The following CFAP54 variants were observed in gnomAD, a reference collection of about 807,000 sequenced individuals.
The protein encoded by CFAP54 is cilia and flagella associated protein 54, also known as cilia- and flagella-associated protein 54.
CFAP54 carries 290 observed loss-of-function variants against 370.4 expected under a neutral mutation model. The observed-to-expected ratio is 0.78, with a 90% CI of 0.71 to 0.86. CFAP54 has a LOEUF of 0.86. Ranked by LOEUF, CFAP54 falls within the 40% of genes least tolerant of loss-of-function variation. The probability of loss-of-function intolerance (pLI) is 0.00; values close to 1 mark genes in which losing one functional copy is unlikely to be tolerated. For missense variants in CFAP54, 3,399 were observed against 3,528.7 expected (o/e 0.96, Z 0.93); for synonymous variants, 1,206 against 1,236.5 (o/e 0.98, Z 0.52).
At chr12:96,691,549 AT>A (rs1320269172) in intron 44 of CFAP54, among the ~76,000 whole-genome samples, 1 of 152,026 alleles carries the variant, frequency 6.6e-6, no homozygotes, top group African/African-American at 2.4e-5. Flanking sequence ...GTTACTTTAT[AT>A]TTTTTTCTTA....
At chr12:96,574,707 G>A (rs1823978505) in intron 19 of CFAP54, among the ~76,000 whole-genome samples, 2 of 151,916 alleles carry the variant, frequency 1.3e-5, no homozygotes, top group Middle Eastern at 3.4e-3. Flanking sequence ...GCATTCCTGG[G>A]AAAAAGACAG....
At chr12:96,521,628 C>T (rs1955321088) in intron 6 of CFAP54, among the ~76,000 whole-genome samples, 1 of 151,920 alleles carries the variant, frequency 6.6e-6, no homozygotes. Context: ...AGTGATATTT[C>T]AGCTTTCCTT....
chr12:96,554,119 G>GCATTTGACTTCCCTT, intron 15 of CFAP54, 63 bp from the exon 16 acceptor site: 1 of 1,049,238 alleles, frequency 9.5e-7, no homozygotes, highest in Non-Finnish European at 1.3e-6. Flanking sequence ...GTCAAAAATT[G>GCATTTGACTTCCCTT]GAAGTGTTGC....
intron 19 of CFAP54, among the ~76,000 whole-genome samples, chr12:96,576,014 C>T (rs73237118): frequency 0.082 from 12,510 of 151,968 alleles, 557 homozygotes; most frequent in South Asian, 0.17. Flanking sequence ...TTTTATATTT[C>T]TCTTTTGTTT....
intron 28 of CFAP54, 32 bp from the exon 29 acceptor site, chr12:96,625,686 G>C: frequency 7.0e-7 from 1 of 1,425,792 alleles, no homozygotes; most frequent in Non-Finnish European, 9.5e-7. Context: ...TTACTAAACA[G>C]AACATACAAC....
intron 55 of CFAP54, among the ~76,000 whole-genome samples, chr12:96,748,888 T>C (rs1958150835): frequency 6.6e-6 from 1 of 152,210 alleles, no homozygotes; most frequent in Non-Finnish European, 1.5e-5. Context: ...ATAAGTCTCT[T>C]TCCAGCTGTC....
chr12:96,512,671 A>G (rs1014458384), intron 4 of CFAP54, among the ~76,000 whole-genome samples: 2 of 152,154 alleles, frequency 1.3e-5, no homozygotes, highest in Admixed American at 6.6e-5. Flanking sequence ...TGAATTAATG[A>G]AAGCACAGGG....
intron 60 of CFAP54, among the ~76,000 whole-genome samples, chr12:96,781,512 C>T (rs1251656716): frequency 1.3e-5 from 2 of 151,960 alleles, no homozygotes; most frequent in Non-Finnish European, 2.9e-5. Context: ...TGATTTTCAA[C>T]TTATTGACAA....
At position 96,875,153 on chromosome 12, in the gene CFAP54, C is replaced by T. The variant is rs1054854980; in HGVS notation, c.*50C>T. ...ACTGAGAAATAAATCAAGAGTATGA[C>T]AACAGACTGAGGAATTTTTCAGCAA... On this transcript the variant is annotated 3_prime_UTR_variant, in exon 68 of 68. Transcript: ENST00000524981. 2 of 152,164 alleles carry T rather than the reference C, an allele frequency of 1.3e-5. No individual in the cohort carries two copies. Among genetic ancestry groups the T allele is most frequent in the Non-Finnish European group, 2.9e-5 (2 of 68,034 alleles). 9.4% of individuals were successfully genotyped at this position (152,164 alleles called of 1,614,324 possible).
chr12:96,804,918 T>C (rs977212741), intron 63 of CFAP54, among the ~76,000 whole-genome samples: 6 of 152,008 alleles, frequency 3.9e-5, no homozygotes. Context: ...ATGAAAAGAC[T>C]AGAGAGCCCA....
intron 63 of CFAP54, among the ~76,000 whole-genome samples, chr12:96,801,913 C>G (rs1304016804): frequency 1.3e-5 from 2 of 152,082 alleles, no homozygotes; most frequent in Non-Finnish European, 2.9e-5. Context: ...AAACTAGGCT[C>G]TCCTATGCAT....
chr12:96,715,912 A>G (rs995058554), intron 48 of CFAP54, among the ~76,000 whole-genome samples: 1 of 151,936 alleles, frequency 6.6e-6, no homozygotes, highest in African/African-American at 2.4e-5. Flanking sequence ...CATATTCTCT[A>G]CTATCACTTG....
intron 1 of CFAP54, among the ~76,000 whole-genome samples, chr12:96,490,726 ATT>A (rs1954872984): frequency 6.8e-6 from 1 of 146,016 alleles, no homozygotes; most frequent in African/African-American, 2.5e-5. Flanking sequence ...AAAATAAAAT[ATT>A]TTTTATTTAT....
At chr12:96,650,488 T>C (rs1393419509) in intron 35 of CFAP54, among the ~76,000 whole-genome samples, 1 of 152,196 alleles carries the variant, frequency 6.6e-6, no homozygotes, top group East Asian at 1.9e-4. Flanking sequence ...GAAAGATCTT[T>C]CTAGGCTCTA....
At position 96,764,134 on chromosome 12, in the gene CFAP54, A is replaced by C; in HGVS notation, c.8041-17A>C. The C allele has an allele frequency of 6.4e-7, 1 of 1,551,498 alleles. No homozygotes were observed. The highest frequency in any genetic ancestry group is 8.9e-7 in the Non-Finnish European group (1 of 1,126,306). ...ATCACAAAACTTTATATCATAACAC[A>C]TTTGCCATATTTTTAGCCTCCTCTC... On this transcript the variant is annotated splice_polypyrimidine_tract_variant and intron_variant, in intron 58 of 67. Coordinates refer to ENST00000524981, the MANE Select transcript of CFAP54 (RefSeq NM_001306084.2).
At chr12:96,708,951 T>C in intron 48 of CFAP54, 148 bp downstream of exon 48, 1 of 633,702 alleles carries the variant, frequency 1.6e-6, no homozygotes, top group South Asian at 2.4e-5. Flanking sequence ...TGTACTTATG[T>C]CTAGGTGTAT....
At position 96,806,204 on chromosome 12, in the gene CFAP54, ATATATATAT is replaced by A. The variant is rs1565984927; in HGVS notation, c.8851-5531_8851-5523del. On this transcript the variant is annotated intron_variant, in intron 63 of 67. Transcript: ENST00000524981. Reference sequence around the variant, plus strand: ...TATATATATATATATATATATATATATATATATATAATAACAACATAAAAAGAAAGTTGG... The same window carrying A: ...TATATATATATATATATATATATATAAATAACAACATAAAAAGAAAGTTGG... 5.6e-3 allele frequency among the ~76,000 whole-genome samples: 484 copies of A among 85,894 alleles called. 24 individuals are homozygous for A. Among genetic ancestry groups the A allele is most frequent in the African/African-American group, 0.017 (392 of 22,808 alleles). The allele number at this position is 85,894 out of a possible 152,430, so 56.3% of individuals were successfully genotyped here.
intron 19 of CFAP54, among the ~76,000 whole-genome samples, chr12:96,570,068 C>CAGCCATTCTCCTACCTCT (rs1490125691): frequency 6.3e-4 from 96 of 152,228 alleles, no homozygotes; most frequent in African/African-American, 2.1e-3. Context: ...CCTCGACCTC[C>CAGCCATTCTCCTACCTCT]TGGGTTCAGC....
chr12:96,608,496 C>G (rs1383358567), intron 26 of CFAP54, among the ~76,000 whole-genome samples: 1 of 137,360 alleles, frequency 7.3e-6, no homozygotes, highest in East Asian at 2.1e-4. Context: ...GAGTCTCACT[C>G]TATCACCCAG....
Sources: gnomAD v4.1 joint callset for allele counts (sites outside exome capture counted in the v4.1 genomes callset) on GRCh38, gnomAD v4.1.1 for gene constraint, MANE v1.5 for transcripts, NCBI Gene and HGNC (gene_info 2026-07-23, HGNC 2026-07-21) for gene names.